The following LIMCH1 variants were observed in gnomAD, a reference collection of about 807,000 sequenced individuals.
LIMCH1 encodes LIM and calponin homology domains 1.
A neutral mutation model predicts 176.5 loss-of-function variants in LIMCH1; 113 were observed. The ratio of observed to expected loss-of-function variants is 0.64; its 90% confidence interval spans 0.55 to 0.75. The LOEUF (loss-of-function observed/expected upper bound fraction) is 0.75, where lower values mean the gene tolerates loss of function less well. Ranked by LOEUF, LIMCH1 falls within the 30% of genes least tolerant of loss-of-function variation. The probability of loss-of-function intolerance (pLI) is 0.00; values close to 1 mark genes in which losing one functional copy is unlikely to be tolerated. For synonymous variants in LIMCH1, 619 were observed against 645.9 expected (o/e 0.96, Z 0.63); for missense variants, 1,674 against 1,814.9 (o/e 0.92, Z 1.41).
Position 41,409,441 on chromosome 4 carries a change from A to G in LIMCH1, c.96+48505A>G, listed in dbSNP as rs999499312. Among the ~76,000 whole-genome samples the G allele has an allele frequency of 2.0e-5, 3 of 152,288 alleles. No individual in the cohort carries two copies. The East Asian group carries it at 5.8e-4, about 29-fold the overall frequency. ...ATGACATTTCAAATTTGAATGATACACTATTGAGGTGAGTCAGAAAATGTA... is the reference window on the plus strand; with the variant it reads ...ATGACATTTCAAATTTGAATGATACGCTATTGAGGTGAGTCAGAAAATGTA... On this transcript the variant is annotated intron_variant, in intron 1 of 26. Coordinates refer to the LIMCH1 transcript ENST00000313860.
intron 31 of LIMCH1, among the ~76,000 whole-genome samples, chr4:41,693,995 T>C (rs1007569183): frequency 2.0e-5 from 3 of 152,184 alleles, no homozygotes; most frequent in Non-Finnish European, 4.4e-5. Context: ...TCATTTCTTT[T>C]GGAAATTAGC....
chr4:41,588,373 T>A (rs2086864239), intron 1 of LIMCH1, among the ~76,000 whole-genome samples: 1 of 152,048 alleles, frequency 6.6e-6, no homozygotes, highest in African/African-American at 2.4e-5. Context: ...GGAGGCTTGT[T>A]CACACTTCTT....
chr4:41,565,234 C>T (rs1014020871), intron 1 of LIMCH1, among the ~76,000 whole-genome samples: 1 of 151,834 alleles, frequency 6.6e-6, no homozygotes, highest in African/African-American at 2.4e-5. Flanking sequence ...CTGTTTTAAG[C>T]AAGGATCAGT....
In LIMCH1 at chr4:41,633,556, C is replaced by A. The variant is rs1349638381; in HGVS notation, c.1838C>A (p.Pro613His). The A allele has an allele frequency of 1.3e-6, 2 of 1,535,944 alleles. No homozygotes were observed. The highest frequency in any genetic ancestry group is 3.9e-5 in the Admixed American group (2 of 50,978). The change falls in exon 13 of 32, where the codon CCT (proline) becomes CAT (histidine). Residue 613 changes from proline (P) to histidine (H), a missense_variant. This residue lies in a region of LIMCH1 where 1,015 missense variants were observed against 1,102.5 expected (regional missense o/e 0.92). Coordinates refer to ENST00000503057, the MANE Select transcript of LIMCH1 (RefSeq NM_001330672.2). ...SEDSSQPLVC[P>H]LASECEASGT... is the part of the protein sequence containing the mutation. ...ACTGAATGTTGCCCTAGGGTGTGTC[C>A]TCTGGCCTCTGAGTGTGAGGCTTCA... is the stretch of plus-strand genomic sequence containing the variant.
chr4:41,395,149 A>T (rs1182493860), intron 1 of LIMCH1, among the ~76,000 whole-genome samples: 1 of 152,064 alleles, frequency 6.6e-6, no homozygotes, highest in Non-Finnish European at 1.5e-5. Context: ...CTTGAAGCTT[A>T]CCTTGGAGAA....
chr4:41,683,964 C>T (rs974148833), intron 26 of LIMCH1, among the ~76,000 whole-genome samples: 47 of 152,178 alleles, frequency 3.1e-4, no homozygotes, highest in Admixed American at 2.2e-3. Context: ...GTTCTCCAGG[C>T]GGTCCCTGTT....
rs758557159 is a variant in LIMCH1 at position 41,629,745 on chromosome 4, T to A, written c.1271+11T>A. 1.2e-5 allele frequency: 19 copies of A among 1,528,576 alleles called. No individual in the cohort carries two copies. The South Asian group carries it at 2.2e-4, about 17-fold the overall frequency. 94.7% of individuals were successfully genotyped at this position (1,528,576 alleles called of 1,614,324 possible). On this transcript the variant is annotated intron_variant, in intron 9 of 31. Coordinates refer to ENST00000503057, the MANE Select transcript of LIMCH1 (RefSeq NM_001330672.2). Reference sequence around the variant, plus strand: ...GTCAGAAAAGGCGAGGTGTGTCATGTTTCCCCCCCAGTTTCCCCCTGGCAG... The same window carrying A: ...GTCAGAAAAGGCGAGGTGTGTCATGATTCCCCCCCAGTTTCCCCCTGGCAG...
At chr4:41,545,564 G>A (rs549533928) in intron 1 of LIMCH1, among the ~76,000 whole-genome samples, 35 of 152,236 alleles carry the variant, frequency 2.3e-4, no homozygotes, top group Non-Finnish European at 3.8e-4. Flanking sequence ...TGTTGACCTC[G>A]ACAACGACTT....
rs530332879 is a variant in LIMCH1 at position 41,428,880 on chromosome 4, C to T, written c.97-65656C>T. ...GGTTGAGTTGCTGTGTGAAGACAGT[C>T]GCTCACTGCTGCCTGAAGTCTTCCA... On this transcript the variant is annotated intron_variant, in intron 1 of 26. Transcript: ENST00000313860. Among the ~76,000 whole-genome samples, 35 of 152,342 alleles carry T rather than the reference C, an allele frequency of 2.3e-4. 2 individuals are homozygous for T. The South Asian group carries it at 5.4e-3, about 23-fold the overall frequency.
chr4:41,586,353 A>C (rs1343157397), intron 1 of LIMCH1, among the ~76,000 whole-genome samples: 1 of 151,856 alleles, frequency 6.6e-6, no homozygotes, highest in African/African-American at 2.4e-5. Context: ...CAAGTGATCC[A>C]CCTGCTTTGG....
At chr4:41,385,778 G>A (rs2056414606) in intron 1 of LIMCH1, 1 of 152,136 alleles carries the variant, frequency 6.6e-6, no homozygotes. Flanking sequence ...GACCCCATTT[G>A]TTTTTTCTCA....
intron 1 of LIMCH1, among the ~76,000 whole-genome samples, chr4:41,373,160 C>T (rs1269462539): frequency 6.6e-6 from 1 of 152,174 alleles, no homozygotes; most frequent in Non-Finnish European, 1.5e-5. Flanking sequence ...CTCCTTTGGT[C>T]TAAGGGGCAA....
At chr4:41,390,243 A>G (rs965395589) in intron 1 of LIMCH1, among the ~76,000 whole-genome samples, 5 of 132,838 alleles carry the variant, frequency 3.8e-5, no homozygotes, top group South Asian at 2.2e-4. Context: ...TCTCAGGGAG[A>G]GAGAGAGAGA....
chr4:41,645,467 G>A (rs1000790774), intron 15 of LIMCH1, among the ~76,000 whole-genome samples: 1 of 152,150 alleles, frequency 6.6e-6, no homozygotes, highest in African/African-American at 2.4e-5. Context: ...TTAGAGAGGA[G>A]GAAATGGAGG....
intron 1 of LIMCH1, among the ~76,000 whole-genome samples, chr4:41,551,576 T>C (rs137949880): frequency 5.9e-5 from 9 of 152,290 alleles, no homozygotes; most frequent in African/African-American, 1.4e-4. Context: ...CAAGGAACTA[T>C]ACCCTGCAGG....
chr4:41,689,762 A>G lies in LIMCH1; in HGVS notation c.4275+127A>G, dbSNP rs1021020689. On this transcript the variant is annotated intron_variant, in intron 30 of 31. Transcript: ENST00000503057. ...TGTGAGGTCTCACTGTCTAGGTTGTATAGACATTCCTTCAGAATGAAACTC... is the reference window on the plus strand; with the variant it reads ...TGTGAGGTCTCACTGTCTAGGTTGTGTAGACATTCCTTCAGAATGAAACTC... The G allele has an allele frequency of 1.0e-5, 6 of 602,106 alleles. 1 individual carries two copies. In the Admixed American group the frequency reaches 1.1e-4, roughly 11 times the overall value. 37.3% of individuals were successfully genotyped at this position (602,106 alleles called of 1,614,324 possible).
chr4:41,647,126 G>A (rs755903779), intron 17 of LIMCH1, among the ~76,000 whole-genome samples: 1 of 152,176 alleles, frequency 6.6e-6, no homozygotes, highest in Non-Finnish European at 1.5e-5. Flanking sequence ...AAGACTGATA[G>A]TGGAGTCGTC....
intron 1 of LIMCH1, among the ~76,000 whole-genome samples, chr4:41,463,562 T>C (rs2065680757): frequency 6.7e-6 from 1 of 150,236 alleles, no homozygotes; most frequent in Admixed American, 6.6e-5. Flanking sequence ...CTTCTCCCAA[T>C]CCTTTTTTTT....
At chr4:41,416,384 G>C (rs1377492685) in intron 1 of LIMCH1, among the ~76,000 whole-genome samples, 2 of 152,064 alleles carry the variant, frequency 1.3e-5, no homozygotes, top group Admixed American at 1.3e-4. Context: ...ATTTTCTGTG[G>C]CTCACGCTTG....
Sources: allele counts gnomAD v4.1 joint callset (sites outside exome capture counted in the v4.1 genomes callset), GRCh38; gene constraint gnomAD v4.1.1; regional missense constraint gnomAD v4.1.1; transcripts MANE v1.5; gene names NCBI Gene and HGNC (gene_info 2026-07-23, HGNC 2026-07-21).